Variants in GOLGA4 observed in about 807,000 individuals in gnomAD.
GOLGA4 encodes the protein golgin A4, also known as golgin subfamily A member 4.
In GOLGA4, 169 loss-of-function variants were observed where a neutral mutation model predicts 265.9. That is an observed-to-expected ratio of 0.64 (90% CI 0.56 to 0.72). The LOEUF (loss-of-function observed/expected upper bound fraction) is 0.72. Among genes scored for constraint, GOLGA4 ranks in the 30% least tolerant of loss-of-function variants. The pLI is 0.00. For synonymous variants in GOLGA4, 923 were observed against 855.8 expected (o/e 1.08, Z -1.37); for missense variants, 2,482 against 2,483.4 (o/e 1.00, Z 0.01).
intron 10 of GOLGA4, among the ~76,000 whole-genome samples, chr3:37,311,188 G>A (rs2150911268): frequency 6.6e-6 from 1 of 152,212 alleles, no homozygotes; most frequent in East Asian, 1.9e-4. Context: ...CAGATTTCCT[G>A]TGAGGAAGTG....
At chr3:37,364,110 C>T (rs1373996427) in intron 23 of GOLGA4, among the ~76,000 whole-genome samples, 4 of 152,162 alleles carry the variant, frequency 2.6e-5, no homozygotes, top group African/African-American at 7.2e-5. Flanking sequence ...ATTCAGAAGA[C>T]TAAAACTCCC....
At chr3:37,355,340 A>C (rs751108798) in intron 22 of GOLGA4, among the ~76,000 whole-genome samples, 153 bp downstream of exon 22, 2 of 152,144 alleles carry the variant, frequency 1.3e-5, no homozygotes, top group Non-Finnish European at 2.9e-5. Flanking sequence ...AATTTACACT[A>C]AGAAATTTAA....
intron 2 of GOLGA4, among the ~76,000 whole-genome samples, chr3:37,277,899 T>C (rs1427474070): frequency 2.0e-5 from 3 of 152,216 alleles, no homozygotes; most frequent in Admixed American, 2.0e-4. Context: ...CTTTGCTCCC[T>C]TTTTCCAATT....
chr3:37,257,923 ATATG>A (rs1418276835), intron 2 of GOLGA4, among the ~76,000 whole-genome samples: 2 of 115,708 alleles, frequency 1.7e-5, no homozygotes, highest in Admixed American at 9.1e-5. Context: ...ATGTATGTAT[ATATG>A]TATATATACA....
chr3:37,298,318 AG>A (rs1418884032), intron 7 of GOLGA4, among the ~76,000 whole-genome samples: 1 of 152,154 alleles, frequency 6.6e-6, no homozygotes, highest in African/African-American at 2.4e-5. Context: ...CTGATTGGTC[AG>A]GTCAGAGATG....
chr3:37,270,589 T>A (rs1479279835), intron 2 of GOLGA4, among the ~76,000 whole-genome samples: 1 of 152,212 alleles, frequency 6.6e-6, no homozygotes, highest in Non-Finnish European at 1.5e-5. Flanking sequence ...GGACTCTTGC[T>A]GTTCTTCCTC....
rs540853421 is a variant in GOLGA4 at position 37,323,589 on chromosome 3, G to A, written c.1703G>A (p.Arg568Lys). 1.2e-5 allele frequency: 19 copies of A among 1,538,530 alleles called. No homozygotes were observed. In the Admixed American group the frequency reaches 4.1e-4, roughly 33 times the overall value. The part of the protein sequence containing the change: ...LQQEAETYRT[R>K]ILELESSLEK... The stretch of plus-strand genomic sequence containing the variant: ...AATGCATCTGTTTTTAATTAACAGA[G>A]AATTCTTGAATTGGAAAGTTCTTTG... The change falls in exon 14 of 24, where the codon AGA (arginine) becomes AAA (lysine). Residue 568 changes from arginine (R) to lysine (K), a missense_variant and splice_region_variant. Coordinates refer to ENST00000361924, the MANE Select transcript of GOLGA4 (RefSeq NM_002078.5).
chr3:37,276,817 A>AT (rs1284313528), intron 2 of GOLGA4, among the ~76,000 whole-genome samples: 1 of 151,964 alleles, frequency 6.6e-6, no homozygotes, highest in Non-Finnish European at 1.5e-5. Context: ...TTCAAAACAT[A>AT]TTTTTTCTGT....
At chr3:37,263,123 C>T (rs991295535) in intron 2 of GOLGA4, among the ~76,000 whole-genome samples, 2 of 152,182 alleles carry the variant, frequency 1.3e-5, no homozygotes, top group African/African-American at 4.8e-5. Context: ...TTTTACTATG[C>T]TTATTCTATG....
rs1230363199 is a variant in GOLGA4, at chr3:37,317,641, T to TC, written c.1414-1416dup. On this transcript the variant is annotated intron_variant, in intron 11 of 23. Coordinates refer to ENST00000361924, the MANE Select transcript of GOLGA4 (RefSeq NM_002078.5). ...GACAAGCAATGTATTAGAATATATT[T>TC]CCCCCCAATAAAGATGGCATTATCT... Among the ~76,000 whole-genome samples the TC allele has an allele frequency of 6.6e-5, 10 of 152,176 alleles. No homozygotes were observed. In the East Asian group the frequency reaches 1.9e-3, roughly 29 times the overall value.
intron 2 of GOLGA4, among the ~76,000 whole-genome samples, chr3:37,279,477 A>G (rs1033865467): frequency 2.0e-5 from 3 of 152,222 alleles, no homozygotes; most frequent in African/African-American, 4.8e-5. Flanking sequence ...ACAGTGGCAC[A>G]TGTGCAGGCC....
intron 10 of GOLGA4, among the ~76,000 whole-genome samples, chr3:37,305,029 G>A (rs956121676): frequency 5.3e-5 from 8 of 151,880 alleles, no homozygotes; most frequent in Admixed American, 4.6e-4. Context: ...AGTGATTCTC[G>A]TGCCTCAGGC....
intron 11 of GOLGA4, among the ~76,000 whole-genome samples, chr3:37,318,585 T>C (rs2096944577): frequency 6.6e-6 from 1 of 152,120 alleles, no homozygotes; most frequent in South Asian, 2.1e-4. Flanking sequence ...ATATTAACTT[T>C]TTAGATTTAT....
At chr3:37,340,534 T>A (rs531906143) in intron 20 of GOLGA4, among the ~76,000 whole-genome samples, 1 of 152,174 alleles carries the variant, frequency 6.6e-6, no homozygotes. Context: ...TTAACTGTAG[T>A]CAACCGTATT....
At chr3:37,273,830 G>C (rs2096805587) in intron 2 of GOLGA4, among the ~76,000 whole-genome samples, 1 of 152,134 alleles carries the variant, frequency 6.6e-6, no homozygotes, top group African/African-American at 2.4e-5. Context: ...AGGCACTGTG[G>C]CTCCCGCCTG....
In GOLGA4 at chr3:37,286,061, A is replaced by G. The variant is rs2096847755; in HGVS notation, c.525A>G (p.Gln175=). The G allele has an allele frequency of 3.2e-6, 5 of 1,552,174 alleles. No individual in the cohort carries two copies. The highest frequency in any genetic ancestry group is 4.4e-6 in the Non-Finnish European group (5 of 1,127,986). Reference sequence around the variant, plus strand: ...TTCAGAGAGAGAAGAAAAAGCTACAAGTAAGTGATTTGTCAACTGCATTAC... The same window carrying G: ...TTCAGAGAGAGAAGAAAAAGCTACAGGTAAGTGATTTGTCAACTGCATTAC... ...QMLQREKKKL[Q]GILSQSQDKS... is the part of the protein sequence containing the mutation. The change falls in exon 4 of 24, where the codon CAA becomes CAG. Residue 175 remains glutamine, a splice_region_variant and synonymous_variant. Transcript: ENST00000361924.
At chr3:37,301,933 C>A (rs900872816) in intron 9 of GOLGA4, among the ~76,000 whole-genome samples, 2 of 152,094 alleles carry the variant, frequency 1.3e-5, no homozygotes, top group Non-Finnish European at 2.9e-5. Context: ...GGATTACAGG[C>A]ATATACCACC....
At position 37,347,262 on chromosome 3, in the gene GOLGA4, T is replaced by C; in HGVS notation, c.6542T>C (p.Val2181Ala). Residue 2181 changes from valine to alanine, a missense_variant, in exon 21 of 24, where the codon GTG becomes GCG. By Grantham distance (64) the Val-to-Ala change is moderately conservative. Around this residue, in one of 3 missense-constraint regions of GOLGA4, gnomAD observed 942 missense variants for 983.1 expected, o/e 0.96. Transcript: ENST00000361924. ...EPTEFEYLRKVLFEYMMGRET... is the reference protein window; with the variant it reads ...EPTEFEYLRKALFEYMMGRET... ...ACCGAATTTGAGTATTTGCGAAAAG[T>C]GCTTTTTGAGTATATGATGGGTCGT... The C allele has an allele frequency of 6.2e-7, 1 of 1,611,386 alleles. No homozygotes were observed. The highest frequency in any genetic ancestry group is 8.5e-7 in the Non-Finnish European group (1 of 1,177,778).
At chr3:37,267,362 A>G (rs980547671) in intron 2 of GOLGA4, among the ~76,000 whole-genome samples, 11 of 152,230 alleles carry the variant, frequency 7.2e-5, no homozygotes, top group Non-Finnish European at 1.6e-4. Context: ...GTAAATCCAT[A>G]ATTAAACAGC....
Sources: gnomAD v4.1 joint callset for allele counts (sites outside exome capture counted in the v4.1 genomes callset) on GRCh38, gnomAD v4.1.1 for gene constraint, gnomAD v4.1.1 regional missense constraint, MANE v1.5 for transcripts, NCBI Gene and HGNC (gene_info 2026-07-23, HGNC 2026-07-21) for gene names.